GRM1: variants seen among roughly 807,000 people sequenced by gnomAD.
GRM1 encodes the protein glutamate metabotropic receptor 1.
Under a neutral mutation model 90.9 loss-of-function variants are expected in GRM1, and 33 were observed. That is an observed-to-expected ratio of 0.36 (90% CI 0.28 to 0.49). The LOEUF is 0.49. Among genes scored for constraint, GRM1 ranks in the 20% least tolerant of loss-of-function variants. The probability of loss-of-function intolerance (pLI) is 0.99; values close to 1 mark genes in which losing one functional copy is unlikely to be tolerated. For synonymous variants in GRM1, 700 were observed against 613.2 expected (o/e 1.14, Z -2.09); for missense variants, 1,190 against 1,534.3 (o/e 0.78, Z 3.75).
intron 5 of GRM1, among the ~76,000 whole-genome samples, chr6:146,369,955 A>C (rs897948222): frequency 6.6e-6 from 1 of 152,050 alleles, no homozygotes; most frequent in African/African-American, 2.4e-5. Context: ...ATAGCAGTCT[A>C]TCTGTCTCTT....
chr6:146,401,449 T>G (rs1282396341), intron 7 of GRM1, among the ~76,000 whole-genome samples: 1 of 151,936 alleles, frequency 6.6e-6, no homozygotes. Context: ...AGACAATTAG[T>G]CCAGATGTAA....
chr6:146,393,305 T>C (rs1282414382), intron 6 of GRM1, among the ~76,000 whole-genome samples: 1 of 152,198 alleles, frequency 6.6e-6, no homozygotes, highest in Non-Finnish European at 1.5e-5. Flanking sequence ...CTTTTTTTCA[T>C]GTTTATTGGC....
At chr6:146,346,376 A>G (rs1265109655) in intron 3 of GRM1, among the ~76,000 whole-genome samples, 1 of 152,270 alleles carries the variant, frequency 6.6e-6, no homozygotes, top group Non-Finnish European at 1.5e-5. Flanking sequence ...GCTTGATTAA[A>G]TGATCTTTTC....
chr6:146,117,566 C>CT (rs1168432058), intron 1 of GRM1, among the ~76,000 whole-genome samples: 3 of 151,918 alleles, frequency 2.0e-5, no homozygotes, highest in African/African-American at 7.2e-5. Flanking sequence ...TCTTTTTGCA[C>CT]TTTCATTTTA....
chr6:146,381,514 A>G (rs1776317613), intron 5 of GRM1, among the ~76,000 whole-genome samples: 1 of 152,166 alleles, frequency 6.6e-6, no homozygotes, highest in Non-Finnish European at 1.5e-5. Context: ...AAAGGGTGGC[A>G]TCGGTGATTC....
intron 5 of GRM1, among the ~76,000 whole-genome samples, chr6:146,358,923 A>T (rs1353634149): frequency 6.6e-6 from 1 of 152,180 alleles, no homozygotes; most frequent in African/African-American, 2.4e-5. Flanking sequence ...AAAATATTTG[A>T]TAGTTGTTAT....
chr6:146,207,357 A>G (rs1779530780), intron 2 of GRM1, among the ~76,000 whole-genome samples: 1 of 151,908 alleles, frequency 6.6e-6, no homozygotes, highest in African/African-American at 2.4e-5. Flanking sequence ...TAGAGCTTTT[A>G]TTTTCTTGCT....
chr6:146,197,020 A>G (rs563101181), intron 2 of GRM1, among the ~76,000 whole-genome samples: 1 of 152,240 alleles, frequency 6.6e-6, no homozygotes, highest in Non-Finnish European at 1.5e-5. Context: ...GTTGTCTAAT[A>G]ATAGAAAATG....
At chr6:146,390,736 T>C (rs2114544080) in intron 6 of GRM1, among the ~76,000 whole-genome samples, 1 of 152,212 alleles carries the variant, frequency 6.6e-6, no homozygotes, top group East Asian at 1.9e-4. Context: ...CCAGGTACTT[T>C]TTAAAAACTG....
chr6:146,424,700 A>C (rs945373841), intron 7 of GRM1, among the ~76,000 whole-genome samples: 12 of 152,208 alleles, frequency 7.9e-5, no homozygotes, highest in African/African-American at 2.9e-4. Context: ...CCAGGGCCCC[A>C]GTTCCCAGTG....
intron 1 of GRM1, among the ~76,000 whole-genome samples, chr6:146,139,486 G>T (rs1776752409): frequency 1.3e-5 from 2 of 151,946 alleles, no homozygotes; most frequent in African/African-American, 4.8e-5. Flanking sequence ...TTATATATCT[G>T]GGTGCTCCAG....
At chr6:146,246,717 A>C (rs1253811736) in intron 2 of GRM1, among the ~76,000 whole-genome samples, 3 of 152,204 alleles carry the variant, frequency 2.0e-5, no homozygotes, top group African/African-American at 7.2e-5. Context: ...CAATACATGA[A>C]ATAGGTATCT....
intron 2 of GRM1, among the ~76,000 whole-genome samples, chr6:146,207,173 C>A (rs1266828866): frequency 6.6e-6 from 1 of 152,054 alleles, no homozygotes; most frequent in Non-Finnish European, 1.5e-5. Context: ...TGGGTATATA[C>A]CCAGTAATGG....
At chr6:146,300,226 A>T (rs951355816) in intron 2 of GRM1, among the ~76,000 whole-genome samples, 2 of 152,246 alleles carry the variant, frequency 1.3e-5, no homozygotes, top group African/African-American at 4.8e-5. Flanking sequence ...TTTTAATTGA[A>T]TGAAAATAGG....
chr6:146,436,833 A>G lies in GRM1; in HGVS notation c.*2037A>G, dbSNP rs922649971. 6.6e-6 allele frequency: 1 copy of G among 152,638 alleles called. No homozygotes were observed. The highest frequency in any genetic ancestry group is 2.4e-5 in the African/African-American group (1 of 41,456). 9.5% of individuals were successfully genotyped at this position (152,638 alleles called of 1,614,324 possible). A position where few individuals can be genotyped will look rare whatever the true frequency, so the allele number is the denominator to read the frequency against. On this transcript the variant is annotated 3_prime_UTR_variant, in exon 8 of 8. Transcript: ENST00000282753. ...ATTGAAGCTGCTGATTTCTCAGCCA[A>G]AAATCATCTTAGAATCTTTAAATAT...
intron 2 of GRM1, among the ~76,000 whole-genome samples, chr6:146,210,389 C>T (rs1344854298): frequency 6.6e-6 from 1 of 152,186 alleles, no homozygotes; most frequent in African/African-American, 2.4e-5. Context: ...ATGAAGCAGA[C>T]ACACTGCAAG....
At chr6:146,352,171 A>C (rs1785433369) in intron 3 of GRM1, 79 bp from the exon 4 acceptor site, 13 of 1,474,972 alleles carry the variant, frequency 8.8e-6, no homozygotes, top group Non-Finnish European at 1.2e-5. Context: ...GAGAACCCCC[A>C]AAAGCATTTG....
chr6:146,300,436 T>C (rs1783333552), intron 2 of GRM1, among the ~76,000 whole-genome samples: 1 of 152,208 alleles, frequency 6.6e-6, no homozygotes, highest in East Asian at 1.9e-4. Flanking sequence ...AGAAATCTTC[T>C]AACTATTCAG....
intron 5 of GRM1, among the ~76,000 whole-genome samples, chr6:146,379,116 A>C (rs2115117073): frequency 6.6e-6 from 1 of 152,024 alleles, no homozygotes; most frequent in South Asian, 2.1e-4. Flanking sequence ...TTGATATCTT[A>C]CTCTATATTT....
Sources: gnomAD v4.1 joint callset for allele counts (sites outside exome capture counted in the v4.1 genomes callset) on GRCh38, gnomAD v4.1.1 for gene constraint, MANE v1.5 for transcripts, NCBI Gene and HGNC (gene_info 2026-07-23, HGNC 2026-07-21) for gene names.